The following FHIT variants were observed in gnomAD, a reference collection of about 807,000 sequenced individuals.
FHIT encodes fragile histidine triad diadenosine triphosphatase.
In FHIT, 19 loss-of-function variants were observed where a neutral mutation model predicts 17.9. The observed-to-expected ratio is 1.06, with a 90% confidence interval of 0.74 to 1.56. The LOEUF is 1.56. Among genes scored for constraint, FHIT ranks in the 40% most tolerant of loss-of-function variants. The probability of loss-of-function intolerance (pLI) is 0.00; values close to 1 mark genes in which losing one functional copy is unlikely to be tolerated. For synonymous variants in FHIT, 81 were observed against 69.7 expected, an observed-to-expected ratio of 1.16 and a Z score of -0.81; for missense variants, 248 against 189.2, an observed-to-expected ratio of 1.31 and a Z score of -1.82.
chr3:60,454,630 T>G (rs1012924059), intron 5 of FHIT, among the ~76,000 whole-genome samples: 1 of 152,064 alleles, frequency 6.6e-6, no homozygotes, highest in South Asian at 2.1e-4. Flanking sequence ...GTGATCCACT[T>G]GCCTTAGCCT....
intron 3 of FHIT, among the ~76,000 whole-genome samples, chr3:60,903,458 A>G (rs1706227596): frequency 6.6e-6 from 1 of 152,228 alleles, no homozygotes; most frequent in Non-Finnish European, 1.5e-5. Flanking sequence ...CCAAATAAAG[A>G]CCTAAATCTG....
intron 5 of FHIT, among the ~76,000 whole-genome samples, chr3:60,188,207 CTTT>C (rs1210975877): frequency 1.2e-4 from 15 of 125,580 alleles, no homozygotes; most frequent in African/African-American, 3.8e-4. Flanking sequence ...CAGTTTCTTT[CTTT>C]TTTTTTTTTT....
chr3:59,914,093 T>C (rs758932316), intron 8 of FHIT, among the ~76,000 whole-genome samples: 4 of 152,156 alleles, frequency 2.6e-5, no homozygotes, highest in African/African-American at 4.8e-5. Flanking sequence ...CCAAAACAAG[T>C]ACAAAGAAAC....
At chr3:60,921,080 G>A (rs1559830634) in intron 3 of FHIT, among the ~76,000 whole-genome samples, 2 of 152,272 alleles carry the variant, frequency 1.3e-5, no homozygotes, top group South Asian at 4.1e-4. Context: ...ATAGATAGGG[G>A]ACGGAGGAGA....
intron 8 of FHIT, among the ~76,000 whole-genome samples, chr3:59,783,116 A>G (rs1702672857): frequency 6.6e-6 from 1 of 152,126 alleles, no homozygotes; most frequent in Admixed American, 6.6e-5. Flanking sequence ...ACCCAGAGGA[A>G]TTTGTTTCCA....
chr3:60,361,486 A>G (rs1699905081), intron 5 of FHIT, among the ~76,000 whole-genome samples: 1 of 152,196 alleles, frequency 6.6e-6, no homozygotes, highest in South Asian at 2.1e-4. Context: ...TGTGTAAATG[A>G]GTGACTAGCT....
At chr3:60,256,734 C>T (rs915331291) in intron 5 of FHIT, among the ~76,000 whole-genome samples, 95 of 152,298 alleles carry the variant, frequency 6.2e-4, no homozygotes, top group Middle Eastern at 3.4e-3. Context: ...CCAGCACCAT[C>T]ATAATTCTAA....
chr3:59,881,736 A>G (rs888555930), intron 8 of FHIT, among the ~76,000 whole-genome samples: 1 of 152,210 alleles, frequency 6.6e-6, no homozygotes, highest in African/African-American at 2.4e-5. Context: ...GGCTAAAAAC[A>G]TTAGGATAGA....
intron 5 of FHIT, among the ~76,000 whole-genome samples, chr3:60,309,223 G>A (rs74608928): frequency 0.021 from 3,229 of 152,154 alleles, 48 homozygotes; most frequent in Middle Eastern, 0.034. Flanking sequence ...GTTGAGGGAG[G>A]TGTTTGGGAG....
At chr3:60,418,133 T>A (rs149656930) in intron 5 of FHIT, among the ~76,000 whole-genome samples, 1 of 152,078 alleles carries the variant, frequency 6.6e-6, no homozygotes, top group Non-Finnish European at 1.5e-5. Context: ...TTGTTACATT[T>A]TGTGATCTCG....
intron 5 of FHIT, among the ~76,000 whole-genome samples, chr3:60,143,502 C>T (rs530360648): frequency 6.6e-6 from 1 of 152,102 alleles, no homozygotes; most frequent in Admixed American, 6.5e-5. Context: ...TGGAGCAGAG[C>T]CATCCACTGA....
At chr3:60,848,285 G>A (rs781911835) in intron 3 of FHIT, among the ~76,000 whole-genome samples, 9 of 152,082 alleles carry the variant, frequency 5.9e-5, no homozygotes, top group Non-Finnish European at 1.2e-4. Context: ...TACATTTACA[G>A]GGGTTTTCAT....
At chr3:60,315,894 A>G (rs1004288062) in intron 5 of FHIT, among the ~76,000 whole-genome samples, 10 of 152,190 alleles carry the variant, frequency 6.6e-5, no homozygotes, top group Non-Finnish European at 1.0e-4. Context: ...AGAATTGCTC[A>G]TCTGGGCCAC....
chr3:61,092,611 T>G (rs1224073304), intron 2 of FHIT, among the ~76,000 whole-genome samples: 1 of 152,120 alleles, frequency 6.6e-6, no homozygotes, highest in East Asian at 1.9e-4. Context: ...TATTTAGTAG[T>G]AATCTGTGCT....
intron 4 of FHIT, among the ~76,000 whole-genome samples, chr3:60,613,687 A>G (rs572957639): frequency 6.6e-6 from 1 of 150,838 alleles, no homozygotes; most frequent in East Asian, 2.0e-4. Context: ...TCATTCCTAC[A>G]TTTCCCTTTT....
At chr3:60,472,847 G>A (rs2033158326) in intron 5 of FHIT, among the ~76,000 whole-genome samples, 1 of 152,098 alleles carries the variant, frequency 6.6e-6, no homozygotes, top group South Asian at 2.1e-4. Context: ...GGGGGTGGGG[G>A]TGGAGAATTT....
intron 5 of FHIT, among the ~76,000 whole-genome samples, chr3:60,342,375 G>C (rs1710567916): frequency 6.6e-6 from 1 of 152,202 alleles, no homozygotes. Flanking sequence ...CAGGGTCTGA[G>C]ATTCTCATCC....
chr3:60,116,149 A>G (rs1704951122), intron 5 of FHIT, among the ~76,000 whole-genome samples: 1 of 152,262 alleles, frequency 6.6e-6, no homozygotes, highest in Non-Finnish European at 1.5e-5. Flanking sequence ...AAAAAGAAGC[A>G]GTAGACAGAT....
chr3:60,326,588 T>C (rs1186571430), intron 5 of FHIT, among the ~76,000 whole-genome samples: 1 of 152,154 alleles, frequency 6.6e-6, no homozygotes, highest in African/African-American at 2.4e-5. Flanking sequence ...CATGGACTGG[T>C]CCATGACGCA....
Sources: allele counts gnomAD v4.1 joint callset (sites outside exome capture counted in the v4.1 genomes callset), GRCh38; gene constraint gnomAD v4.1.1; transcripts MANE v1.5; gene names NCBI Gene and HGNC (gene_info 2026-07-23, HGNC 2026-07-21).